The following PARD3B variants were observed in gnomAD, a reference collection of about 807,000 sequenced individuals.
PARD3B encodes par-3 family cell polarity regulator beta.
Under a neutral mutation model 130.2 loss-of-function variants are expected in PARD3B, and 103 were observed. The observed-to-expected ratio is 0.79, with a 90% CI of 0.67 to 0.93. The LOEUF is 0.93. Among genes scored for constraint, PARD3B ranks in the 40% least tolerant of loss-of-function variants. The probability of loss-of-function intolerance (pLI) is 0.00; values close to 1 mark genes in which losing one functional copy is unlikely to be tolerated. For synonymous variants in PARD3B, 583 were observed against 553.2 expected (o/e 1.05, Z -0.76); for missense variants, 1,609 against 1,499.2 (o/e 1.07, Z -1.21).
chr2:205,447,796 C>T (rs1449495921), intron 20 of PARD3B, among the ~76,000 whole-genome samples: 3 of 152,224 alleles, frequency 2.0e-5, no homozygotes, highest in African/African-American at 7.2e-5. Context: ...CATTGGCATA[C>T]TTCAGTGACA....
At chr2:204,981,729 G>C (rs1692682994) in intron 3 of PARD3B, among the ~76,000 whole-genome samples, 1 of 152,140 alleles carries the variant, frequency 6.6e-6, no homozygotes, top group Non-Finnish European at 1.5e-5. Flanking sequence ...TAGTATGTTA[G>C]AAACTGATAA....
chr2:205,135,492 A>C (rs1404808597), intron 10 of PARD3B, among the ~76,000 whole-genome samples: 2 of 152,208 alleles, frequency 1.3e-5, no homozygotes, highest in African/African-American at 4.8e-5. Flanking sequence ...TATAGTTAGA[A>C]GTCTGAACAT....
At chr2:205,293,018 TTC>T (rs2041664633) in intron 16 of PARD3B, among the ~76,000 whole-genome samples, 1 of 152,190 alleles carries the variant, frequency 6.6e-6, no homozygotes, top group South Asian at 2.1e-4. Context: ...AAACCTCACT[TTC>T]TATCAGTTCT....
intron 3 of PARD3B, among the ~76,000 whole-genome samples, chr2:205,037,958 C>G (rs532630579): frequency 1.3e-5 from 2 of 152,104 alleles, no homozygotes; most frequent in Non-Finnish European, 2.9e-5. Flanking sequence ...TATTTCCCCA[C>G]GCAAATCTGC....
intron 22 of PARD3B, among the ~76,000 whole-genome samples, chr2:205,567,575 G>T (rs1316103678): frequency 6.7e-6 from 1 of 149,602 alleles, no homozygotes; most frequent in African/African-American, 2.5e-5. Flanking sequence ...ACCCGCCTCG[G>T]CCTCCCAAAG....
chr2:204,793,375 GT>G (rs1312338560), intron 2 of PARD3B, among the ~76,000 whole-genome samples: 2 of 151,888 alleles, frequency 1.3e-5, no homozygotes, highest in African/African-American at 4.8e-5. Context: ...GTTTTGTTTT[GT>G]TTTGTTTTTC....
In PARD3B at chr2:204,645,303, A is replaced by G. The variant is rs2035233722; in HGVS notation, c.121-40878A>G. 2.0e-5 allele frequency among the ~76,000 whole-genome samples: 3 copies of G among 152,318 alleles called. No homozygotes were observed. The South Asian group carries it at 6.2e-4, about 32-fold the overall frequency. ...AAGCATGACAATTTATTAGAAAAAGAGAAAAATAAAGTGTGTCCATTGACA... is the reference window on the plus strand; with the variant it reads ...AAGCATGACAATTTATTAGAAAAAGGGAAAAATAAAGTGTGTCCATTGACA... On this transcript the variant is annotated intron_variant, in intron 1 of 22. Transcript: ENST00000406610.
At chr2:205,404,450 T>C (rs1574936892) in intron 19 of PARD3B, among the ~76,000 whole-genome samples, 2 of 152,322 alleles carry the variant, frequency 1.3e-5, no homozygotes, top group African/African-American at 2.4e-5. Context: ...TAATCCCCCA[T>C]GGATACCAAG....
Position 205,525,051 on chromosome 2 carries a change from A to AC in PARD3B, c.3180+25022dup, listed in dbSNP as rs1398180747. Among the ~76,000 whole-genome samples the AC allele has an allele frequency of 2.0e-5, 3 of 152,324 alleles. No individual in the cohort carries two copies. Among genetic ancestry groups the AC allele is most frequent in the African/African-American group, 7.2e-5 (3 of 41,576 alleles). On this transcript the variant is annotated intron_variant, in intron 21 of 22. Coordinates refer to ENST00000406610, the MANE Select transcript of PARD3B (RefSeq NM_001302769.2). This position sits in a 1 kb window ranked among gnomAD's most constrained non-coding sequence, Gnocchi z 4.2. ...AGAATAAGAGATTTCTTAGTGATGAACCATGGCAAGAACCAGGACAGTTTT... is the reference window on the plus strand; with the variant it reads ...AGAATAAGAGATTTCTTAGTGATGAACCCATGGCAAGAACCAGGACAGTTTT...
rs2036678104 is a variant in PARD3B, at chr2:204,678,739, C to T, written c.121-7442C>T. Among the ~76,000 whole-genome samples, 2 of 152,022 alleles carry T rather than the reference C, an allele frequency of 1.3e-5. No individual in the cohort carries two copies. Among genetic ancestry groups the T allele is most frequent in the Non-Finnish European group, 2.9e-5 (2 of 67,990 alleles). ...CTGAGGTTTATAGGAGCACGAGATA[C>T]GGAGGCTGGGTGGGCCAAAAAGTAG... On this transcript the variant is annotated intron_variant, in intron 1 of 22. Coordinates refer to ENST00000406610, the MANE Select transcript of PARD3B (RefSeq NM_001302769.2). The surrounding 1 kb of genome is among the most constrained non-coding windows in gnomAD (Gnocchi z 4.2).
intron 1 of PARD3B, among the ~76,000 whole-genome samples, chr2:204,637,742 T>C (rs1206882343): frequency 2.0e-5 from 3 of 150,212 alleles, no homozygotes; most frequent in African/African-American, 4.9e-5. Context: ...TTTTTTTTTT[T>C]CCCTCTGTCC....
chr2:204,656,624 C>G (rs1007311867), intron 1 of PARD3B, among the ~76,000 whole-genome samples: 1 of 152,156 alleles, frequency 6.6e-6, no homozygotes, highest in Non-Finnish European at 1.5e-5. Flanking sequence ...CAGATCTCCT[C>G]TTTTCATGGT....
chr2:205,061,953 G>A (rs570070116), intron 4 of PARD3B, among the ~76,000 whole-genome samples: 18 of 152,044 alleles, frequency 1.2e-4, no homozygotes, highest in East Asian at 5.8e-4. Context: ...AGGAAAGGAC[G>A]GATTATTAAG....
chr2:205,291,711 T>C lies in PARD3B; in HGVS notation c.2186-8819T>C, dbSNP rs1382206494. Among the ~76,000 whole-genome samples, 1 of 152,140 alleles carries C rather than the reference T, an allele frequency of 6.6e-6. No individual in the cohort carries two copies. The stretch of plus-strand genomic sequence containing the variant: ...CAAGATGAGAAAAATGACCTAAAGA[T>C]GGAATTGTCCATCAAAAAGGAAGCA... On this transcript the variant is annotated intron_variant, in intron 16 of 22. Transcript: ENST00000406610. The surrounding 1 kb of genome is among the most constrained non-coding windows in gnomAD (Gnocchi z 4.6).
chr2:205,299,389 A>G (rs2041907828), intron 16 of PARD3B, among the ~76,000 whole-genome samples: 1 of 152,148 alleles, frequency 6.6e-6, no homozygotes, highest in African/African-American at 2.4e-5. Context: ...GTCTATTGAT[A>G]AATGACACAG....
chr2:204,886,083 T>G (rs2046262540), intron 2 of PARD3B, among the ~76,000 whole-genome samples: 1 of 152,224 alleles, frequency 6.6e-6, no homozygotes, highest in African/African-American at 2.4e-5. Flanking sequence ...TAATGATCTT[T>G]CAGACTATTT....
intron 2 of PARD3B, among the ~76,000 whole-genome samples, chr2:204,962,452 G>A (rs954279743): frequency 2.6e-5 from 4 of 152,036 alleles, no homozygotes; most frequent in Non-Finnish European, 4.4e-5. Flanking sequence ...CATGTTCAGC[G>A]CATCTCTGTG....
intron 18 of PARD3B, among the ~76,000 whole-genome samples, chr2:205,345,336 T>G (rs760718411): frequency 6.6e-6 from 1 of 152,244 alleles, no homozygotes; most frequent in Non-Finnish European, 1.5e-5. Flanking sequence ...TTTGCTCAGA[T>G]TCTTCTCTTT....
At chr2:205,355,975 C>CAAGGGAGA (rs2044177703) in intron 18 of PARD3B, among the ~76,000 whole-genome samples, 1 of 152,158 alleles carries the variant, frequency 6.6e-6, no homozygotes, top group African/African-American at 2.4e-5. Flanking sequence ...CCTGGTCTCT[C>CAAGGGAGA]CCTTGATTCA....
Sources: allele counts gnomAD v4.1 joint callset (sites outside exome capture counted in the v4.1 genomes callset), GRCh38; gene constraint gnomAD v4.1.1; non-coding constraint Gnocchi (gnomAD v3.1); transcripts MANE v1.5; gene names NCBI Gene and HGNC (gene_info 2026-07-23, HGNC 2026-07-21).